Variants in PMS1 observed in about 807,000 individuals in gnomAD.
PMS1 encodes the protein PMS1 protein homolog 1.
A neutral mutation model predicts 93.1 loss-of-function variants in PMS1; 79 were observed. That is an observed-to-expected ratio of 0.85 (90% CI 0.71 to 1.02). PMS1 has a LOEUF of 1.02. PMS1 is among the 50% of genes least tolerant of loss of function. The pLI is 0.00. For synonymous variants in PMS1, 335 were observed against 363.4 expected (o/e 0.92, Z 0.89); for missense variants, 1,064 against 1,085.3 (o/e 0.98, Z 0.28).
chr2:189,829,038 A>G (rs2052694665), intron 5 of PMS1, among the ~76,000 whole-genome samples: 1 of 152,286 alleles, frequency 6.6e-6, no homozygotes, highest in Non-Finnish European at 1.5e-5. Context: ...TGTGACCCCA[A>G]GAGTTTTAGT....
intron 5 of PMS1, among the ~76,000 whole-genome samples, chr2:189,842,224 A>G (rs913111512): frequency 2.6e-5 from 4 of 151,942 alleles, no homozygotes; most frequent in Non-Finnish European, 5.9e-5. Context: ...TATGATGACT[A>G]CTTTCTTCAA....
intron 5 of PMS1, among the ~76,000 whole-genome samples, chr2:189,836,335 G>A (rs190916691): frequency 7.3e-4 from 111 of 152,338 alleles, no homozygotes; most frequent in Non-Finnish European, 1.0e-3. Flanking sequence ...TCATCATACT[G>A]ACTAGAGTCA....
In PMS1 at chr2:189,863,200, TTGTTTGTTTGTG is replaced by T. The variant is rs562111775; in HGVS notation, c.1857-531_1857-520del. The stretch of plus-strand genomic sequence containing the variant: ...CTTTAAATAATTGAGGGTTTTTTGT[TTGTTTGTTTGTG>T]TGTTTGTTTGTTGTTGTTGTTTTTT... On this transcript the variant is annotated intron_variant, in intron 9 of 12. Transcript: ENST00000441310. 6.9e-3 allele frequency among the ~76,000 whole-genome samples: 1,048 copies of T among 152,080 alleles called. 23 individuals carry two copies. Among genetic ancestry groups the T allele is most frequent in the Non-Finnish European group, 7.4e-3 (505 of 67,982 alleles).
intron 3 of PMS1, among the ~76,000 whole-genome samples, chr2:189,798,115 C>T (rs771225019): frequency 2.0e-5 from 3 of 152,200 alleles, no homozygotes; most frequent in Non-Finnish European, 4.4e-5. Flanking sequence ...TTATCCTCAT[C>T]GTCACATGGC....
At chr2:189,803,383 A>T (rs1052081639) in intron 3 of PMS1, among the ~76,000 whole-genome samples, 1 of 152,200 alleles carries the variant, frequency 6.6e-6, no homozygotes, top group African/African-American at 2.4e-5. Context: ...TGGACCAGAG[A>T]GTCAGTTTTT....
At chr2:189,820,756 TTTTATA>T (rs2051781074) in intron 5 of PMS1, among the ~76,000 whole-genome samples, 1 of 152,222 alleles carries the variant, frequency 6.6e-6, no homozygotes, top group Non-Finnish European at 1.5e-5. Flanking sequence ...AATGGAATTG[TTTTATA>T]TTTTACAGTA....
intron 5 of PMS1, 140 bp downstream of exon 5, chr2:189,818,320 A>G (rs2051505929): frequency 1.6e-6 from 1 of 621,236 alleles, no homozygotes; most frequent in Non-Finnish European, 2.9e-6. Flanking sequence ...CCTAACCACC[A>G]TGTGATGTTA....
chr2:189,868,160 A>G (rs2056824494), intron 11 of PMS1, among the ~76,000 whole-genome samples: 1 of 152,242 alleles, frequency 6.6e-6, no homozygotes, highest in Non-Finnish European at 1.5e-5. Flanking sequence ...AACTAATCAA[A>G]TAGTTTTATT....
intron 4 of PMS1, 104 bp downstream of exon 4, chr2:189,805,858 CT>C (rs778719325): frequency 2.2e-5 from 34 of 1,558,832 alleles, no homozygotes; most frequent in Non-Finnish European, 2.9e-5. Flanking sequence ...TTGCTTTGGG[CT>C]TGGTCCTGAT....
chr2:189,857,520 T>C (rs987348845), intron 9 of PMS1: 3 of 466,476 alleles, frequency 6.4e-6, no homozygotes, highest in African/African-American at 6.0e-5. Context: ...TTAAGAGATA[T>C]GAGAGTAGAC....
At position 189,864,165 on chromosome 2, in the gene PMS1, G is replaced by T; in HGVS notation, c.2279G>T (p.Arg760Ile). 1 of 1,610,850 alleles carries T rather than the reference G, an allele frequency of 6.2e-7. No homozygotes were observed. The change falls in exon 10 of 13, where the codon AGA (arginine) becomes ATA (isoleucine). Residue 760 changes from arginine to isoleucine, a missense_variant. Transcript: ENST00000441310. ...GTAGAAGAAGCCCTGCTATTTAAAA[G>T]ACTTCTTGAGAATCATAAACTTCCT... is the stretch of plus-strand genomic sequence containing the variant. ...YRVEEALLFKRLLENHKLPAE... is the reference protein window; with the variant it reads ...YRVEEALLFKILLENHKLPAE...
At position 189,873,704 on chromosome 2, in the gene PMS1, C is replaced by T. The variant is rs190915278; in HGVS notation, c.2634+48C>T. ...GTTATTGTATACAGGGGTCCCAACT[C>T]CCGGGCCAAGCCGGTTAGGAACCAG... On this transcript the variant is annotated intron_variant, in intron 12 of 12. Coordinates refer to ENST00000441310, the MANE Select transcript of PMS1 (RefSeq NM_000534.5). 2.1e-6 allele frequency: 3 copies of T among 1,431,084 alleles called. No homozygotes were observed. In the African/African-American group the frequency reaches 4.2e-5, roughly 20 times the overall value. The allele number at this position is 1,431,084 out of a possible 1,614,324, so 88.6% of individuals were successfully genotyped here.
In PMS1 at chr2:189,859,797, T is replaced by C. The variant is rs568403126; in HGVS notation, c.1857-3946T>C. 4.4e-4 allele frequency among the ~76,000 whole-genome samples: 67 copies of C among 152,290 alleles called. 1 individual carries two copies. In the East Asian group the frequency reaches 0.013, roughly 29 times the overall value. On this transcript the variant is annotated intron_variant, in intron 9 of 12. Coordinates refer to ENST00000441310, the MANE Select transcript of PMS1 (RefSeq NM_000534.5). ...TGTGTTTAATTTATCCAAATTTGTC[T>C]TTTCATTGATGACTAAAATGAGAAT...
chr2:189,833,455 G>C (rs183060990), intron 5 of PMS1, among the ~76,000 whole-genome samples: 1 of 152,162 alleles, frequency 6.6e-6, no homozygotes, highest in Non-Finnish European at 1.5e-5. Context: ...GGTGGCACGC[G>C]CCTGTAGTCC....
chr2:189,867,952 T>C, intron 11 of PMS1, 23 bp downstream of exon 11: 1 of 1,588,022 alleles, frequency 6.3e-7, no homozygotes, highest in Non-Finnish European at 8.6e-7. Flanking sequence ...GGTTTAATAT[T>C]TTCTGATGTG....
intron 5 of PMS1, among the ~76,000 whole-genome samples, chr2:189,828,138 A>G (rs771536928): frequency 6.6e-6 from 1 of 151,888 alleles, no homozygotes; most frequent in Non-Finnish European, 1.5e-5. Flanking sequence ...ATTAGCCAGG[A>G]TGGTCTCGAT....
rs1354953839 is a variant in PMS1, at chr2:189,867,949, T to C, written c.2473+20T>C. ...TACCAGGTATGATAGTGTGGTTTAA[T>C]ATTTTCTGATGTGGAAAAATTAGTC... On this transcript the variant is annotated intron_variant, in intron 11 of 12. Coordinates refer to ENST00000441310, the MANE Select transcript of PMS1 (RefSeq NM_000534.5). 1 of 1,591,746 alleles carries C rather than the reference T, an allele frequency of 6.3e-7. No individual in the cohort carries two copies. Among genetic ancestry groups the C allele is most frequent in the South Asian group, 1.1e-5 (1 of 90,592 alleles).
intron 2 of PMS1, among the ~76,000 whole-genome samples, chr2:189,793,751 CTT>C (rs2049095557): frequency 6.6e-6 from 1 of 152,176 alleles, no homozygotes; most frequent in Admixed American, 6.5e-5. Flanking sequence ...ATTTTAGTCT[CTT>C]GACATTTACC....
At chr2:189,840,410 C>G (rs904919633) in intron 5 of PMS1, among the ~76,000 whole-genome samples, 4 of 152,186 alleles carry the variant, frequency 2.6e-5, no homozygotes, top group African/African-American at 9.7e-5. Context: ...TAGGTTACAG[C>G]CTGTTGACAC....
Sources: gnomAD v4.1 joint callset for allele counts (sites outside exome capture counted in the v4.1 genomes callset) on GRCh38, gnomAD v4.1.1 for gene constraint, MANE v1.5 for transcripts, NCBI Gene and HGNC (gene_info 2026-07-23, HGNC 2026-07-21) for gene names.